Variants in UBAC2 observed in about 807,000 individuals in gnomAD.
The protein encoded by UBAC2 is ubiquitin-associated domain-containing protein 2.
Under a neutral mutation model 44.0 loss-of-function variants are expected in UBAC2, and 26 were observed. That is an observed-to-expected ratio of 0.59 (90% CI 0.43 to 0.82). The LOEUF (loss-of-function observed/expected upper bound fraction) is 0.82. UBAC2 is among the 40% of genes least tolerant of loss of function. The probability of loss-of-function intolerance (pLI) is 0.00; values close to 1 mark genes in which losing one functional copy is unlikely to be tolerated. For synonymous variants in UBAC2, 155 were observed against 154.3 expected (o/e 1.00, Z -0.04); for missense variants, 329 against 419.4 (o/e 0.78, Z 1.88).
chr13:99,280,105 C>T (rs9585030), intron 4 of UBAC2, among the ~76,000 whole-genome samples: 26,250 of 152,148 alleles, frequency 0.17, 2,502 homozygotes, highest in Middle Eastern at 0.23. Context: ...CATCTCAATG[C>T]CATCATCTGC....
chr13:99,348,018 G>T (rs1286276769), intron 7 of UBAC2, among the ~76,000 whole-genome samples: 1 of 152,066 alleles, frequency 6.6e-6, no homozygotes, highest in East Asian at 1.9e-4. Context: ...ACTCACTCTT[G>T]TCTCCCAGCA....
chr13:99,243,119 CAT>C (rs1439129750), intron 2 of UBAC2, among the ~76,000 whole-genome samples: 1 of 151,910 alleles, frequency 6.6e-6, no homozygotes, highest in Non-Finnish European at 1.5e-5. Context: ...TTACCTATCT[CAT>C]AAGGTCATTG....
rs2044158345 is a variant in UBAC2 at position 99,295,599 on chromosome 13, C to T, written c.390-18498C>T. The T allele has an allele frequency of 1.2e-6, 2 of 1,613,916 alleles. No individual in the cohort carries two copies. The highest frequency in any genetic ancestry group is 1.3e-5 in the African/African-American group (1 of 74,878). On this transcript the variant is annotated intron_variant, in intron 4 of 8. Coordinates refer to ENST00000403766, the MANE Select transcript of UBAC2 (RefSeq NM_001144072.2). This position sits in a 1 kb window ranked among gnomAD's most constrained non-coding sequence, Gnocchi z 4.1. ...TTAGTTTCTTCAAAGTTTGGATACT[C>T]CATGCATGTAATCCTTTCAGCCTCC...
At chr13:99,215,506 G>C in intron 1 of UBAC2, 1 of 1,465,696 alleles carries the variant, frequency 6.8e-7, no homozygotes, top group Non-Finnish European at 9.5e-7. Context: ...CAAGTGACGA[G>C]GGGTAATATA....
intron 4 of UBAC2, among the ~76,000 whole-genome samples, chr13:99,269,126 G>A (rs186586529): frequency 6.6e-6 from 1 of 152,286 alleles, no homozygotes; most frequent in East Asian, 1.9e-4. Context: ...TGACACTGAG[G>A]ATACTCAGGC....
intron 1 of UBAC2, among the ~76,000 whole-genome samples, chr13:99,229,217 G>C (rs984342776): frequency 3.9e-5 from 6 of 152,250 alleles, no homozygotes; most frequent in Admixed American, 3.3e-4. Context: ...AGGGTGCAGA[G>C]TGGGGGAAAA....
chr13:99,255,515 A>G (rs1566471119), intron 4 of UBAC2: 1 of 1,614,156 alleles, frequency 6.2e-7, no homozygotes, highest in Non-Finnish European at 8.5e-7. Flanking sequence ...ATGGCCATGT[A>G]TCTGTCAGCA....
intron 7 of UBAC2, among the ~76,000 whole-genome samples, chr13:99,347,461 G>A (rs2045008662): frequency 6.6e-6 from 1 of 151,932 alleles, no homozygotes; most frequent in South Asian, 2.1e-4. Flanking sequence ...CTGGAAGTGG[G>A]GGAAGGTCAA....
intron 4 of UBAC2, among the ~76,000 whole-genome samples, chr13:99,304,168 C>T (rs1433555931): frequency 3.3e-5 from 5 of 152,200 alleles, no homozygotes; most frequent in East Asian, 1.9e-4. Flanking sequence ...TTCCCCTGAT[C>T]GTGGCCTGGC....
intron 1 of UBAC2, among the ~76,000 whole-genome samples, chr13:99,236,844 T>A (rs12864373): frequency 0.17 from 26,281 of 152,010 alleles, 2,497 homozygotes; most frequent in Middle Eastern, 0.23. Context: ...AGCAAAACTC[T>A]GTCTCAAAAA....
In UBAC2 at chr13:99,271,451, T is replaced by C. The variant is rs1190951359; in HGVS notation, c.389+26827T>C. 2.6e-5 allele frequency among the ~76,000 whole-genome samples: 4 copies of C among 152,056 alleles called. No individual in the cohort carries two copies. In the East Asian group the frequency reaches 7.7e-4, roughly 29 times the overall value. Reference sequence around the variant, plus strand: ...GATGGGGGGATGGGGTGTGGGAAGATAGCAGGAGATGAGGCCAGGGAGGTA... The same window carrying C: ...GATGGGGGGATGGGGTGTGGGAAGACAGCAGGAGATGAGGCCAGGGAGGTA... On this transcript the variant is annotated intron_variant, in intron 4 of 8. Coordinates refer to ENST00000403766, the MANE Select transcript of UBAC2 (RefSeq NM_001144072.2).
intron 2 of UBAC2, among the ~76,000 whole-genome samples, chr13:99,241,291 G>A (rs2043297382): frequency 6.7e-6 from 1 of 148,932 alleles, no homozygotes; most frequent in African/African-American, 2.5e-5. Context: ...AAAGAAAAGA[G>A]TTACTATTAC....
rs780174780 is a variant in UBAC2 at position 99,295,950 on chromosome 13, T to C, written c.390-18147T>C. On this transcript the variant is annotated intron_variant, in intron 4 of 8. Coordinates refer to ENST00000403766, the MANE Select transcript of UBAC2 (RefSeq NM_001144072.2). This position sits in a 1 kb window ranked among gnomAD's most constrained non-coding sequence, Gnocchi z 4.1. ...ACCAAATTTGTTGAATAGAGGGTGG[T>C]AGAGTTGATTTTTTTCCTGTTTTGA... 3 of 1,613,976 alleles carry C rather than the reference T, an allele frequency of 1.9e-6. No individual in the cohort carries two copies. Among genetic ancestry groups the C allele is most frequent in the Non-Finnish European group, 2.5e-6 (3 of 1,179,932 alleles).
intron 7 of UBAC2, among the ~76,000 whole-genome samples, chr13:99,343,231 C>T (rs147065473): frequency 6.6e-6 from 1 of 152,330 alleles, no homozygotes; most frequent in Non-Finnish European, 1.5e-5. Context: ...CACTTTGTGG[C>T]CTACAGACAG....
At chr13:99,255,674 C>G (rs2043540024) in intron 4 of UBAC2, 2 of 1,614,002 alleles carry the variant, frequency 1.2e-6, no homozygotes, top group Non-Finnish European at 1.7e-6. Flanking sequence ...ATCAAGTCCA[C>G]TAATGCCACA....
chr13:99,300,131 G>T (rs1284213162), intron 4 of UBAC2, among the ~76,000 whole-genome samples: 1 of 152,226 alleles, frequency 6.6e-6, no homozygotes, highest in Non-Finnish European at 1.5e-5. Context: ...AGGGCAGGGG[G>T]TGCCCACTTC....
intron 4 of UBAC2, among the ~76,000 whole-genome samples, chr13:99,300,152 G>A (rs1262591987): frequency 2.0e-5 from 3 of 152,226 alleles, no homozygotes; most frequent in African/African-American, 7.2e-5. Context: ...CAGGAGAGGT[G>A]CCTTCCCAAA....
chr13:99,288,498 T>G (rs1293872329), intron 4 of UBAC2, among the ~76,000 whole-genome samples: 1 of 152,236 alleles, frequency 6.6e-6, no homozygotes, highest in African/African-American at 2.4e-5. Context: ...TTAAACAGCT[T>G]CTTCTTTCTA....
intron 6 of UBAC2, among the ~76,000 whole-genome samples, chr13:99,336,013 G>A (rs2044784001): frequency 6.6e-6 from 1 of 150,570 alleles, no homozygotes; most frequent in African/African-American, 2.5e-5. Context: ...AAAAAAAAAA[G>A]AGATAAAACT....
Sources: allele counts gnomAD v4.1 joint callset (sites outside exome capture counted in the v4.1 genomes callset), GRCh38; gene constraint gnomAD v4.1.1; non-coding constraint Gnocchi (gnomAD v3.1); transcripts MANE v1.5; gene names NCBI Gene and HGNC (gene_info 2026-07-23, HGNC 2026-07-21).